Variants in CSMD1 observed in about 807,000 individuals in gnomAD.
The protein encoded by CSMD1 is CUB and Sushi multiple domains 1.
Under a neutral mutation model 417.5 loss-of-function variants are expected in CSMD1, and 213 were observed. The observed-to-expected ratio is 0.51, with a 90% confidence interval of 0.46 to 0.57. The LOEUF is 0.57. Ranked by LOEUF, CSMD1 falls within the 20% of genes least tolerant of loss-of-function variation. The probability of loss-of-function intolerance (pLI) is 0.00; values close to 1 mark genes in which losing one functional copy is unlikely to be tolerated. For synonymous variants in CSMD1, 2,862 were observed against 1,736.8 expected (o/e 1.65, Z -16.11); for missense variants, 6,923 against 4,529.7 (o/e 1.53, Z -15.17).
At chr8:4,849,396 GA>G (rs1182122591) in intron 1 of CSMD1, among the ~76,000 whole-genome samples, 2 of 151,620 alleles carry the variant, frequency 1.3e-5, no homozygotes, top group Non-Finnish European at 2.9e-5. Flanking sequence ...ATAGAATAAA[GA>G]AAAAAATACT....
At chr8:4,274,220 C>G (rs1796337788) in intron 3 of CSMD1, among the ~76,000 whole-genome samples, 1 of 152,024 alleles carries the variant, frequency 6.6e-6, no homozygotes, top group African/African-American at 2.4e-5. Context: ...TTTATAAAGT[C>G]CAGGCCTCTG....
intron 3 of CSMD1, among the ~76,000 whole-genome samples, chr8:4,141,888 G>T (rs922029076): frequency 1.3e-5 from 2 of 151,092 alleles, no homozygotes; most frequent in Admixed American, 1.3e-4. Context: ...CTACAAGGAG[G>T]AAAGAAAACA....
intron 1 of CSMD1, among the ~76,000 whole-genome samples, chr8:4,859,621 A>G (rs1474159761): frequency 2.0e-5 from 3 of 152,166 alleles, no homozygotes; most frequent in Non-Finnish European, 4.4e-5. Flanking sequence ...ACACTTCTCA[A>G]AAGAAGACGT....
intron 7 of CSMD1, among the ~76,000 whole-genome samples, chr8:3,626,447 G>A (rs762273824): frequency 6.6e-6 from 1 of 152,160 alleles, no homozygotes; most frequent in Non-Finnish European, 1.5e-5. Context: ...ACTTAAAAAT[G>A]TGGAAAGAAA....
intron 5 of CSMD1, among the ~76,000 whole-genome samples, chr8:3,957,994 C>T (rs1159809728): frequency 4.6e-5 from 7 of 152,194 alleles, no homozygotes; most frequent in African/African-American, 7.2e-5. Context: ...GCTTGCTTAA[C>T]GTTCTAGATT....
At chr8:4,191,155 G>A (rs1268297552) in intron 3 of CSMD1, among the ~76,000 whole-genome samples, 5 of 152,150 alleles carry the variant, frequency 3.3e-5, no homozygotes, top group African/African-American at 4.8e-5. Context: ...CCAGCACTTT[G>A]GGAGGCCGAG....
At chr8:3,037,741 G>A (rs917175098) in intron 50 of CSMD1, among the ~76,000 whole-genome samples, 1 of 152,182 alleles carries the variant, frequency 6.6e-6, no homozygotes, top group African/African-American at 2.4e-5. Flanking sequence ...TAGAATAAGA[G>A]TAGATGACCA....
At chr8:4,477,769 T>A (rs950775700) in intron 2 of CSMD1, among the ~76,000 whole-genome samples, 1 of 152,198 alleles carries the variant, frequency 6.6e-6, no homozygotes, top group Admixed American at 6.5e-5. Flanking sequence ...CAATACTGTA[T>A]TTTAAGTGAG....
chr8:4,601,807 C>T (rs1176688997), intron 2 of CSMD1, among the ~76,000 whole-genome samples: 1 of 152,072 alleles, frequency 6.6e-6, no homozygotes, highest in Non-Finnish European at 1.5e-5. Flanking sequence ...TTGATTTATC[C>T]ATGTCTGAGC....
At chr8:3,988,345 C>G (rs924734974) in intron 5 of CSMD1, among the ~76,000 whole-genome samples, 1 of 152,186 alleles carries the variant, frequency 6.6e-6, no homozygotes, top group African/African-American at 2.4e-5. Context: ...AATAGCATAA[C>G]TACTGCAATG....
intron 1 of CSMD1, among the ~76,000 whole-genome samples, chr8:4,672,485 T>G (rs2617018): frequency 0.53 from 80,049 of 151,946 alleles, 21,273 homozygotes; most frequent in Admixed American, 0.62. Context: ...ATTCCTTTTA[T>G]ATTACTGATG....
intron 1 of CSMD1, among the ~76,000 whole-genome samples, chr8:4,770,496 C>A (rs1256368130): frequency 1.3e-5 from 2 of 150,936 alleles, no homozygotes; most frequent in African/African-American, 4.9e-5. Context: ...TAAAAGACCT[C>A]AAATAGCCAA....
intron 23 of CSMD1, among the ~76,000 whole-genome samples, chr8:3,329,943 C>T (rs751164161): frequency 6.6e-6 from 1 of 152,150 alleles, no homozygotes; most frequent in Non-Finnish European, 1.5e-5. Context: ...GTTAAAGAAA[C>T]TGTATTAATA....
intron 3 of CSMD1, among the ~76,000 whole-genome samples, chr8:4,251,115 C>T (rs1021541780): frequency 6.6e-6 from 1 of 152,044 alleles, no homozygotes; most frequent in Non-Finnish European, 1.5e-5. Context: ...TGAAGGCTAC[C>T]TATAAATCAT....
At chr8:4,518,073 A>G (rs1803221134) in intron 2 of CSMD1, among the ~76,000 whole-genome samples, 1 of 152,220 alleles carries the variant, frequency 6.6e-6, no homozygotes, top group African/African-American at 2.4e-5. Context: ...AAGATTTTCA[A>G]ATGTCTAATA....
chr8:3,303,385 G>A (rs1243035438), intron 25 of CSMD1, among the ~76,000 whole-genome samples: 1 of 152,148 alleles, frequency 6.6e-6, no homozygotes, highest in East Asian at 1.9e-4. Context: ...GAAAATCCAG[G>A]TCAGGACAGC....
intron 18 of CSMD1, among the ~76,000 whole-genome samples, chr8:3,374,652 G>A (rs1810194472): frequency 6.6e-6 from 1 of 152,098 alleles, no homozygotes; most frequent in South Asian, 2.1e-4. Flanking sequence ...GTGATACAAG[G>A]TCGGAGGAAA....
intron 3 of CSMD1, among the ~76,000 whole-genome samples, chr8:4,403,110 C>G (rs540909639): frequency 5.3e-5 from 8 of 151,962 alleles, no homozygotes; most frequent in African/African-American, 1.9e-4. Context: ...GGATTACAGG[C>G]GTGAGCCACT....
chr8:3,636,744 T>C (rs747522051), intron 7 of CSMD1, among the ~76,000 whole-genome samples: 9 of 152,200 alleles, frequency 5.9e-5, no homozygotes, highest in Non-Finnish European at 1.3e-4. Context: ...TCAGCGAGGA[T>C]GGCAGGGAGT....
Sources: gnomAD v4.1 joint callset for allele counts (sites outside exome capture counted in the v4.1 genomes callset) on GRCh38, gnomAD v4.1.1 for gene constraint, MANE v1.5 for transcripts, NCBI Gene and HGNC (gene_info 2026-07-23, HGNC 2026-07-21) for gene names.